The following PRKAR2B variants were observed in gnomAD, a reference collection of about 807,000 sequenced individuals.
PRKAR2B encodes cAMP-dependent protein kinase type II-beta regulatory subunit.
Under a neutral mutation model 49.9 loss-of-function variants are expected in PRKAR2B, and 14 were observed. The observed-to-expected ratio is 0.28, with a 90% CI of 0.19 to 0.44. PRKAR2B has a LOEUF of 0.44. Among genes scored for constraint, PRKAR2B ranks in the 20% least tolerant of loss-of-function variants. PRKAR2B has a pLI of 1.00. For missense variants in PRKAR2B, 393 were observed against 537.9 expected, an observed-to-expected ratio of 0.73 and a Z score of 2.67; for synonymous variants, 196 against 197.7, an observed-to-expected ratio of 0.99 and a Z score of 0.07.
chr7:107,105,983 G>C (rs57996188), intron 2 of PRKAR2B, among the ~76,000 whole-genome samples: 1 of 152,084 alleles, frequency 6.6e-6, no homozygotes, highest in South Asian at 2.1e-4. Flanking sequence ...TAGCTCATGG[G>C]GGGTTGAGGT....
chr7:107,086,189 T>C (rs913821377), intron 2 of PRKAR2B, among the ~76,000 whole-genome samples: 2 of 152,200 alleles, frequency 1.3e-5, no homozygotes, highest in African/African-American at 4.8e-5. Flanking sequence ...AATTTTTTTT[T>C]CTCTGATTTG....
chr7:107,085,548 G>C (rs1794603273), intron 2 of PRKAR2B, among the ~76,000 whole-genome samples: 1 of 151,990 alleles, frequency 6.6e-6, no homozygotes, highest in South Asian at 2.1e-4. Context: ...GAAAACAAAG[G>C]GTTGTGTCTC....
chr7:107,099,639 CTTTT>C (rs71134250), intron 2 of PRKAR2B, among the ~76,000 whole-genome samples: 3 of 134,292 alleles, frequency 2.2e-5, no homozygotes, highest in Non-Finnish European at 3.3e-5. Context: ...CATGAGAAAT[CTTTT>C]TTTTTTTTTT....
intron 4 of PRKAR2B, among the ~76,000 whole-genome samples, chr7:107,135,650 G>C (rs781282315): frequency 3.3e-5 from 5 of 152,054 alleles, no homozygotes; most frequent in Non-Finnish European, 5.9e-5. Context: ...GAAATATTTA[G>C]ATGTAAATCT....
chr7:107,076,422 C>G (rs1221206108), intron 2 of PRKAR2B, among the ~76,000 whole-genome samples: 2 of 151,986 alleles, frequency 1.3e-5, no homozygotes, highest in Non-Finnish European at 2.9e-5. Flanking sequence ...CATAAATTGA[C>G]TCCCTGAAGT....
chr7:107,100,852 A>G (rs950202841), intron 2 of PRKAR2B, among the ~76,000 whole-genome samples: 3 of 142,504 alleles, frequency 2.1e-5, no homozygotes, highest in Non-Finnish European at 4.6e-5. Context: ...TTCTCTCTTT[A>G]TTGAGATTCT....
At chr7:107,082,460 C>T (rs1794531031) in intron 2 of PRKAR2B, among the ~76,000 whole-genome samples, 1 of 151,708 alleles carries the variant, frequency 6.6e-6, no homozygotes, top group East Asian at 1.9e-4. Context: ...GAAAGCTCTT[C>T]TTAGAATAAT....
chr7:107,115,014 TTA>T, intron 2 of PRKAR2B, among the ~76,000 whole-genome samples: 1 of 152,262 alleles, frequency 6.6e-6, no homozygotes, highest in East Asian at 1.9e-4. Flanking sequence ...TCTAAAATGT[TTA>T]TGAGACAGCA....
intron 4 of PRKAR2B, among the ~76,000 whole-genome samples, chr7:107,129,912 G>C (rs1253832950): frequency 6.6e-6 from 1 of 152,062 alleles, no homozygotes; most frequent in African/African-American, 2.4e-5. Flanking sequence ...GGTGGGTTTT[G>C]GCTGGCTTCT....
chr7:107,086,180 A>AT (rs1205638923), intron 2 of PRKAR2B, among the ~76,000 whole-genome samples: 3 of 151,566 alleles, frequency 2.0e-5, no homozygotes, highest in Admixed American at 1.3e-4. Context: ...TTCCTGTTAA[A>AT]TTTTTTTTTC....
intron 2 of PRKAR2B, among the ~76,000 whole-genome samples, chr7:107,092,819 C>T (rs1161648437): frequency 6.6e-6 from 1 of 152,140 alleles, no homozygotes; most frequent in Non-Finnish European, 1.5e-5. Context: ...ACCATCCATC[C>T]ACAGAACTGT....
intron 3 of PRKAR2B, among the ~76,000 whole-genome samples, chr7:107,122,380 A>G (rs961492316): frequency 3.9e-5 from 6 of 152,248 alleles, no homozygotes; most frequent in Admixed American, 6.5e-5. Flanking sequence ...AAATCACGGT[A>G]AAATCACATC....
chr7:107,151,807 A>T (rs939251429), intron 7 of PRKAR2B, among the ~76,000 whole-genome samples: 2 of 152,180 alleles, frequency 1.3e-5, no homozygotes, highest in African/African-American at 4.8e-5. Flanking sequence ...AGCCTGGGAG[A>T]AGATCGAAAC....
chr7:107,067,747 G>A, intron 1 of PRKAR2B, among the ~76,000 whole-genome samples: 1 of 152,152 alleles, frequency 6.6e-6, no homozygotes, highest in African/African-American at 2.4e-5. Flanking sequence ...GAGCATTGTA[G>A]TAGTCGCATG....
rs562639065 is a variant in PRKAR2B at position 107,150,580 on chromosome 7, A to G, written c.742-342A>G. On this transcript the variant is annotated intron_variant, in intron 6 of 10. Transcript: ENST00000265717. ...AGAACGTAGAGTACATAACAGAGTA[A>G]AAGAACAGAGTGCTAGTATACATAT... Among the ~76,000 whole-genome samples, 4 of 42,848 alleles carry G rather than the reference A, an allele frequency of 9.3e-5. No homozygotes were observed. In the South Asian group the frequency reaches 2.8e-3, roughly 30 times the overall value. 28.1% of individuals were successfully genotyped at this position (42,848 alleles called of 152,430 possible).
At chr7:107,086,442 G>A (rs1794622314) in intron 2 of PRKAR2B, among the ~76,000 whole-genome samples, 1 of 151,992 alleles carries the variant, frequency 6.6e-6, no homozygotes, top group African/African-American at 2.4e-5. Context: ...ACTAATATTA[G>A]TAGGGTTTTT....
intron 2 of PRKAR2B, among the ~76,000 whole-genome samples, chr7:107,114,326 GT>G (rs1562861416): frequency 1.5e-4 from 1 of 6,794 alleles, no homozygotes; most frequent in East Asian, 0.025. Flanking sequence ...ATGTACAGCT[GT>G]GTGTGTGTGT....
At chr7:107,130,674 T>G (rs927378038) in intron 4 of PRKAR2B, among the ~76,000 whole-genome samples, 1 of 152,162 alleles carries the variant, frequency 6.6e-6, no homozygotes. Context: ...GTACCATCAC[T>G]TACCAGCAGT....
At chr7:107,051,336 T>C (rs570842314) in intron 1 of PRKAR2B, among the ~76,000 whole-genome samples, 1 of 152,200 alleles carries the variant, frequency 6.6e-6, no homozygotes, top group Non-Finnish European at 1.5e-5. Flanking sequence ...TAGACTATAT[T>C]TTCCTATCAC....
Sources: allele counts gnomAD v4.1 joint callset (sites outside exome capture counted in the v4.1 genomes callset), GRCh38; gene constraint gnomAD v4.1.1; transcripts MANE v1.5; gene names NCBI Gene and HGNC (gene_info 2026-07-23, HGNC 2026-07-21).